NRXN1: variants seen among roughly 807,000 people sequenced by gnomAD.
The protein encoded by NRXN1 is neurexin 1.
NRXN1 carries 39 observed loss-of-function variants against 150.9 expected under a neutral mutation model. The ratio of observed to expected loss-of-function variants is 0.26; its 90% CI spans 0.20 to 0.34. The LOEUF (loss-of-function observed/expected upper bound fraction) is 0.34. Ranked by LOEUF, NRXN1 falls within the 10% of genes least tolerant of loss-of-function variation. The pLI is 1.00. For synonymous variants in NRXN1, 924 were observed against 757.0 expected (o/e 1.22, Z -3.62); for missense variants, 1,815 against 1,949.9 (o/e 0.93, Z 1.30).
intron 8 of NRXN1, among the ~76,000 whole-genome samples, chr2:50,572,672 T>A (rs1670834548): frequency 6.6e-6 from 1 of 152,350 alleles, no homozygotes; most frequent in Non-Finnish European, 1.5e-5. Context: ...TTCCACTGTA[T>A]CACACCAAAT....
chr2:50,548,727 G>T (rs1254192600), intron 9 of NRXN1, among the ~76,000 whole-genome samples: 1 of 149,664 alleles, frequency 6.7e-6, no homozygotes, highest in Admixed American at 6.6e-5. Flanking sequence ...TATAAAGTGG[G>T]TAATATTAAA....
At chr2:50,154,457 G>A (rs1486679849) in intron 18 of NRXN1, among the ~76,000 whole-genome samples, 1 of 151,550 alleles carries the variant, frequency 6.6e-6, no homozygotes, top group Non-Finnish European at 1.5e-5. Flanking sequence ...AATTTTATAA[G>A]ATACAATGAG....
rs569129926 is a variant in NRXN1 at position 50,121,494 on chromosome 2, A to T, written c.3547-30000T>A. ...CCACATCTGCCAGAGGATGTATGTA[A>T]GTGATGTGCAAACACTACTCCATTT... is the stretch of plus-strand genomic sequence containing the variant. On this transcript the variant is annotated intron_variant, in intron 18 of 22. Coordinates refer to ENST00000401669, the MANE Select transcript of NRXN1 (RefSeq NM_001330078.2). 4.6e-5 allele frequency among the ~76,000 whole-genome samples: 7 copies of T among 152,246 alleles called. 1 individual carries two copies. The South Asian group carries it at 1.4e-3, about 32-fold the overall frequency.
At chr2:50,579,819 C>T (rs192683099) in intron 8 of NRXN1, among the ~76,000 whole-genome samples, 87 of 151,892 alleles carry the variant, frequency 5.7e-4, no homozygotes, top group Admixed American at 1.2e-3. Flanking sequence ...ATATGACAAT[C>T]CTACCACTGG....
chr2:50,421,027 T>G (rs1288023437), intron 17 of NRXN1, among the ~76,000 whole-genome samples: 2 of 145,298 alleles, frequency 1.4e-5, no homozygotes, highest in Non-Finnish European at 3.0e-5. Context: ...TGTTTCACAT[T>G]GTTCTATCCC....
At chr2:50,515,153 A>G (rs1166667397) in intron 12 of NRXN1, among the ~76,000 whole-genome samples, 1 of 152,134 alleles carries the variant, frequency 6.6e-6, no homozygotes, top group Non-Finnish European at 1.5e-5. Context: ...GTGACAACCG[A>G]TTCTCACAGG....
chr2:50,329,653 A>C (rs1488812477), intron 17 of NRXN1, among the ~76,000 whole-genome samples: 1,189 of 13,786 alleles, frequency 0.086, 142 homozygotes, highest in African/African-American at 0.28. Context: ...ATATATATAT[A>C]TATATATATA....
At position 50,346,436 on chromosome 2, in the gene NRXN1, G is replaced by A. The variant is rs1358527372; in HGVS notation, c.3365-109466C>T. Among the ~76,000 whole-genome samples the A allele has an allele frequency of 2.6e-5, 4 of 152,032 alleles. No individual in the cohort carries two copies. The highest frequency in any genetic ancestry group is 9.7e-5 in the African/African-American group (4 of 41,434). On this transcript the variant is annotated intron_variant, in intron 17 of 22. Transcript: ENST00000401669. This position sits in a 1 kb window ranked among gnomAD's most constrained non-coding sequence, Gnocchi z 5.0. ...CGCGACCAGGGCTGGTCCTTTAGTA[G>A]GTGTCCACATCTCTCTCCCAGTACC...
At chr2:49,973,913 C>A (rs1321917635) in intron 21 of NRXN1, 9 of 698,640 alleles carry the variant, frequency 1.3e-5, no homozygotes, top group Non-Finnish European at 2.1e-5. Flanking sequence ...ATCTTAAACC[C>A]TGCATGCTGC....
chr2:50,906,885 T>G (rs925461594), intron 5 of NRXN1, among the ~76,000 whole-genome samples: 3 of 151,940 alleles, frequency 2.0e-5, no homozygotes, highest in African/African-American at 7.2e-5. Flanking sequence ...TACCCCAAAG[T>G]ATGGCACCCT....
intron 2 of NRXN1, among the ~76,000 whole-genome samples, chr2:50,974,314 G>T (rs544987476): frequency 6.6e-6 from 1 of 152,204 alleles, no homozygotes; most frequent in South Asian, 2.1e-4. Flanking sequence ...TACATCTATA[G>T]GACAAACACC....
chr2:50,345,396 A>T lies in NRXN1; in HGVS notation c.3365-108426T>A, dbSNP rs778566464. On this transcript the variant is annotated intron_variant, in intron 17 of 22. Transcript: ENST00000401669. ...AAAGGGCCATCCTGGTAGCACCAGCAGCTGCTCAGGGCAGAGCAAACTCAT... is the reference window on the plus strand; with the variant it reads ...AAAGGGCCATCCTGGTAGCACCAGCTGCTGCTCAGGGCAGAGCAAACTCAT... Among the ~76,000 whole-genome samples the T allele has an allele frequency of 5.3e-4, 80 of 152,314 alleles. 1 individual carries two copies. Among genetic ancestry groups the T allele is most frequent in the Middle Eastern group, 6.8e-3 (2 of 294 alleles).
At chr2:50,754,072 C>T (rs2105345189) in intron 5 of NRXN1, among the ~76,000 whole-genome samples, 1 of 150,494 alleles carries the variant, frequency 6.6e-6, no homozygotes, top group East Asian at 2.0e-4. Context: ...ACTAATATAC[C>T]ATAAAAGGAA....
At chr2:50,663,814 T>C (rs748816827) in intron 5 of NRXN1, among the ~76,000 whole-genome samples, 4 of 152,038 alleles carry the variant, frequency 2.6e-5, no homozygotes, top group Non-Finnish European at 5.9e-5. Context: ...TGCAATTTTC[T>C]GTATCCCAAA....
chr2:50,926,430 G>A (rs1395698990), intron 2 of NRXN1, among the ~76,000 whole-genome samples: 3 of 151,836 alleles, frequency 2.0e-5, no homozygotes, highest in Admixed American at 2.0e-4. Context: ...TTATCCATAT[G>A]CCATTACTGC....
chr2:50,098,830 GT>G (rs746736925), intron 18 of NRXN1, among the ~76,000 whole-genome samples: 1 of 105,542 alleles, frequency 9.5e-6, no homozygotes, highest in African/African-American at 3.5e-5. Context: ...TTTGGTTTTA[GT>G]TTTTTTTTTT....
At chr2:50,124,522 T>C (rs1450672735) in intron 18 of NRXN1, among the ~76,000 whole-genome samples, 1 of 152,108 alleles carries the variant, frequency 6.6e-6, no homozygotes, top group Admixed American at 6.6e-5. Flanking sequence ...TGTTAAAGTA[T>C]CCAGTTTGGT....
intron 2 of NRXN1, among the ~76,000 whole-genome samples, chr2:51,021,686 T>C (rs1193070174): frequency 1.3e-5 from 2 of 152,016 alleles, no homozygotes; most frequent in East Asian, 3.9e-4. Flanking sequence ...ATAACTTTAA[T>C]GTATAAGAGA....
chr2:50,989,808 C>T lies in NRXN1; in HGVS notation c.772+37694G>A, dbSNP rs188580596. On this transcript the variant is annotated intron_variant, in intron 2 of 22. Transcript: ENST00000401669. ...GTATGGATGTAGAGAAAAGGACTTA[C>T]GTTTTCACTTGTCTTTGCTAATATG... Among the ~76,000 whole-genome samples the T allele has an allele frequency of 2.0e-4, 30 of 152,076 alleles. 1 individual carries two copies. In the East Asian group the frequency reaches 4.7e-3, roughly 24 times the overall value.
Sources: gnomAD v4.1 joint callset for allele counts (sites outside exome capture counted in the v4.1 genomes callset) on GRCh38, gnomAD v4.1.1 for gene constraint, Gnocchi (gnomAD v3.1) non-coding constraint, MANE v1.5 for transcripts, NCBI Gene and HGNC (gene_info 2026-07-23, HGNC 2026-07-21) for gene names.